The following TRAPPC9 variants were observed in gnomAD, a reference collection of about 807,000 sequenced individuals.
TRAPPC9 encodes trafficking protein particle complex subunit 9, also known as IKK2 binding protein.
Under a neutral mutation model 124.0 loss-of-function variants are expected in TRAPPC9, and 83 were observed. The observed-to-expected ratio is 0.67, with a 90% CI of 0.56 to 0.80. The LOEUF (loss-of-function observed/expected upper bound fraction) is 0.80, where lower values mean the gene tolerates loss of function less well. Ranked by LOEUF, TRAPPC9 falls within the 30% of genes least tolerant of loss-of-function variation. TRAPPC9 has a pLI of 0.00. For missense variants in TRAPPC9, 1,302 were observed against 1,508.3 expected, an observed-to-expected ratio of 0.86 and a Z score of 2.27; for synonymous variants, 638 against 617.5, an observed-to-expected ratio of 1.03 and a Z score of -0.49.
At chr8:140,391,569 G>A (rs968822222) in intron 7 of TRAPPC9, among the ~76,000 whole-genome samples, 1 of 151,630 alleles carries the variant, frequency 6.6e-6, no homozygotes, top group Non-Finnish European at 1.5e-5. Context: ...AAAATTAGCC[G>A]GGTGTGGTGG....
intron 19 of TRAPPC9, among the ~76,000 whole-genome samples, chr8:139,986,998 G>C (rs755639294): frequency 1.3e-5 from 2 of 152,180 alleles, no homozygotes; most frequent in Non-Finnish European, 2.9e-5. Flanking sequence ...ACAGCATTTC[G>C]TATCAATGGA....
At chr8:140,187,657 C>T (rs955032086) in intron 17 of TRAPPC9, among the ~76,000 whole-genome samples, 13 of 152,164 alleles carry the variant, frequency 8.5e-5, no homozygotes, top group Non-Finnish European at 1.8e-4. Context: ...AACTTCTCCT[C>T]GTCGTCCTGG....
At chr8:140,433,485 G>A (rs1294597234) in intron 4 of TRAPPC9, among the ~76,000 whole-genome samples, 1 of 152,106 alleles carries the variant, frequency 6.6e-6, no homozygotes, top group Non-Finnish European at 1.5e-5. Context: ...AGCTACTCGG[G>A]AGGCTGAGGC....
chr8:140,418,770 A>ATAGATAGG (rs1207463901), intron 5 of TRAPPC9, among the ~76,000 whole-genome samples: 54 of 150,046 alleles, frequency 3.6e-4, no homozygotes, highest in African/African-American at 1.3e-3. Context: ...AGATAGATAG[A>ATAGATAGG]TAGACAGACA....
At chr8:139,804,764 CCCA>C (rs1175616341) in intron 21 of TRAPPC9, among the ~76,000 whole-genome samples, 2 of 150,456 alleles carry the variant, frequency 1.3e-5, no homozygotes, top group Non-Finnish European at 3.0e-5. Context: ...GCCACCACTA[CCCA>C]CCACCACCAC....
chr8:139,843,242 T>C (rs1012474007), intron 21 of TRAPPC9, among the ~76,000 whole-genome samples: 1 of 152,238 alleles, frequency 6.6e-6, no homozygotes, highest in Non-Finnish European at 1.5e-5. Context: ...CCTCGTTTTA[T>C]GCACAGATAA....
chr8:140,387,643 A>G (rs1418411417), intron 7 of TRAPPC9, among the ~76,000 whole-genome samples: 1 of 152,232 alleles, frequency 6.6e-6, no homozygotes, highest in Non-Finnish European at 1.5e-5. Flanking sequence ...ATCACTGGCC[A>G]TCAGAGAAAT....
intron 2 of TRAPPC9, among the ~76,000 whole-genome samples, chr8:140,440,220 G>A (rs944759002): frequency 2.0e-5 from 3 of 152,100 alleles, no homozygotes; most frequent in Non-Finnish European, 4.4e-5. Flanking sequence ...AGAAAATACA[G>A]CATCTAGCAG....
intron 15 of TRAPPC9, among the ~76,000 whole-genome samples, chr8:140,273,813 G>A (rs954518557): frequency 3.3e-5 from 5 of 152,172 alleles, no homozygotes; most frequent in African/African-American, 9.7e-5. Context: ...GCTTTGTTAC[G>A]GGGGGTTGAA....
intron 17 of TRAPPC9, among the ~76,000 whole-genome samples, chr8:140,214,259 G>A (rs377683375): frequency 1.6e-4 from 24 of 152,338 alleles, no homozygotes; most frequent in African/African-American, 5.3e-4. Flanking sequence ...CCAACTCAGA[G>A]GGTAGACACC....
At chr8:139,851,527 G>A (rs1402079139) in intron 21 of TRAPPC9, among the ~76,000 whole-genome samples, 1 of 152,152 alleles carries the variant, frequency 6.6e-6, no homozygotes, top group Non-Finnish European at 1.5e-5. Flanking sequence ...AAACGGGGAT[G>A]AACGGTCAAA....
intron 10 of TRAPPC9, among the ~76,000 whole-genome samples, chr8:140,300,868 T>G (rs369848274): frequency 1.3e-3 from 198 of 152,346 alleles, no homozygotes; most frequent in African/African-American, 4.4e-3. Context: ...ACTCCTGAAC[T>G]GGGCCCAAGG....
intron 8 of TRAPPC9, among the ~76,000 whole-genome samples, chr8:140,361,006 G>A (rs886330417): frequency 1.3e-5 from 2 of 152,142 alleles, no homozygotes; most frequent in African/African-American, 2.4e-5. Context: ...CAAAGTGCTG[G>A]GATTACAGGT....
chr8:139,876,972 G>A (rs923312510), intron 21 of TRAPPC9, among the ~76,000 whole-genome samples: 7 of 152,346 alleles, frequency 4.6e-5, no homozygotes, highest in African/African-American at 1.7e-4. Context: ...CTATCAGGTG[G>A]CTGCTCTGCC....
chr8:140,229,251 C>CTTTTTTTTTTTTTTTTTTTTT (rs528175891), intron 16 of TRAPPC9, among the ~76,000 whole-genome samples: 1 of 99,832 alleles, frequency 1.0e-5, no homozygotes, highest in African/African-American at 4.6e-5. Context: ...TTTTCTTTTT[C>CTTTTTTTTTTTTTTTTTTTTT]TTTTTTTTTT....
chr8:139,832,693 T>A, intron 21 of TRAPPC9, among the ~76,000 whole-genome samples: 1 of 152,026 alleles, frequency 6.6e-6, no homozygotes, highest in East Asian at 1.9e-4. Context: ...CTGGCTGACT[T>A]CTCTTCCGCC....
At chr8:140,164,910 G>GC (rs1228402738) in intron 17 of TRAPPC9, among the ~76,000 whole-genome samples, 1 of 152,170 alleles carries the variant, frequency 6.6e-6, no homozygotes, top group Non-Finnish European at 1.5e-5. Flanking sequence ...ACCAGCAGCA[G>GC]CCCCTGCCTC....
At chr8:140,293,121 C>T (rs1339374350) in intron 11 of TRAPPC9, among the ~76,000 whole-genome samples, 4 of 148,030 alleles carry the variant, frequency 2.7e-5, no homozygotes, top group East Asian at 1.9e-4. Context: ...AAAATGCTCA[C>T]CATCACTGGC....
At chr8:140,260,875 C>A (rs973819304) in intron 15 of TRAPPC9, among the ~76,000 whole-genome samples, 1 of 152,138 alleles carries the variant, frequency 6.6e-6, no homozygotes, top group Non-Finnish European at 1.5e-5. Flanking sequence ...CATCACCAGG[C>A]GGAAAGCACA....
Sources: gnomAD v4.1 joint callset for allele counts (sites outside exome capture counted in the v4.1 genomes callset) on GRCh38, gnomAD v4.1.1 for gene constraint, MANE v1.5 for transcripts, NCBI Gene and HGNC (gene_info 2026-07-23, HGNC 2026-07-21) for gene names.